DCDC2: variants seen among roughly 807,000 people sequenced by gnomAD.
The protein encoded by DCDC2 is doublecortin domain-containing protein 2.
A neutral mutation model predicts 50.2 loss-of-function variants in DCDC2; 40 were observed. That is an observed-to-expected ratio of 0.80 (90% CI 0.62 to 1.04). DCDC2 has a LOEUF of 1.04. Ranked by LOEUF, DCDC2 falls within the 50% of genes least tolerant of loss-of-function variation. The pLI is 0.00. For synonymous variants in DCDC2, 234 were observed against 210.6 expected, an observed-to-expected ratio of 1.11 and a Z score of -0.96; for missense variants, 570 against 581.9, an observed-to-expected ratio of 0.98 and a Z score of 0.21.
the DCDC2 span, among the ~76,000 whole-genome samples, chr6:24,376,898 A>G: frequency 1.3e-5 from 2 of 151,908 alleles, no homozygotes; most frequent in Non-Finnish European, 2.9e-5. Flanking sequence ...CTACTTTACA[A>G]TTTCCTTCAC....
chr6:24,220,979 C>A (rs1762107487), intron 7 of DCDC2, among the ~76,000 whole-genome samples: 1 of 67,528 alleles, frequency 1.5e-5, no homozygotes. Flanking sequence ...CATTAGAACT[C>A]CCTCACTATC....
chr6:24,225,695 A>C (rs1009407529), intron 7 of DCDC2, among the ~76,000 whole-genome samples: 3 of 146,864 alleles, frequency 2.0e-5, no homozygotes, highest in Admixed American at 6.8e-5. Flanking sequence ...CAACTCTTAG[A>C]AAGTTTTCAC....
upstream of DCDC2, among the ~76,000 whole-genome samples, chr6:24,358,914 A>ATATATATTATATAT (rs1229637570): frequency 0.016 from 591 of 35,940 alleles, 52 homozygotes; most frequent in African/African-American, 0.076. Context: ...ATTATATATT[A>ATATATATTATATAT]TATATATTAT....
chr6:24,290,017 G>A (rs1349378283), intron 5 of DCDC2, among the ~76,000 whole-genome samples: 6 of 100,618 alleles, frequency 6.0e-5, no homozygotes, highest in South Asian at 3.6e-4. Flanking sequence ...TTTTTGAGAC[G>A]GAGTCTCGCT....
intron 8 of DCDC2, among the ~76,000 whole-genome samples, chr6:24,181,652 T>C (rs1262329260): frequency 2.6e-5 from 4 of 152,018 alleles, no homozygotes; most frequent in Non-Finnish European, 5.9e-5. Context: ...CAATGAAAAA[T>C]ACAAAACATT....
chr6:24,197,600 T>A (rs982416415), intron 8 of DCDC2, among the ~76,000 whole-genome samples: 5 of 152,232 alleles, frequency 3.3e-5, no homozygotes, highest in African/African-American at 1.2e-4. Context: ...TAATCCTGGA[T>A]AATAAATTGG....
chr6:24,271,550 T>A (rs1400449841), intron 7 of DCDC2, among the ~76,000 whole-genome samples: 1 of 152,166 alleles, frequency 6.6e-6, no homozygotes, highest in African/African-American at 2.4e-5. Flanking sequence ...CAGCTCTGCA[T>A]TCCTCTCAGA....
intron 1 of DCDC2, among the ~76,000 whole-genome samples, chr6:24,355,489 T>G (rs911232911): frequency 6.6e-6 from 1 of 152,186 alleles, no homozygotes; most frequent in African/African-American, 2.4e-5. Flanking sequence ...CTTTGGTGTT[T>G]ACAAAACACA....
At chr6:24,195,930 C>T (rs1294676865) in intron 8 of DCDC2, among the ~76,000 whole-genome samples, 2 of 152,214 alleles carry the variant, frequency 1.3e-5, no homozygotes, top group Admixed American at 6.5e-5. Context: ...ACTTCTAAAA[C>T]TTAATCTGCT....
At chr6:24,189,645 C>T (rs868514521) in intron 8 of DCDC2, among the ~76,000 whole-genome samples, 3 of 152,142 alleles carry the variant, frequency 2.0e-5, no homozygotes, top group Non-Finnish European at 4.4e-5. Flanking sequence ...AATAACAGCA[C>T]AAATTAGAAT....
chr6:24,180,002 C>T (rs985398928), intron 8 of DCDC2, among the ~76,000 whole-genome samples: 36 of 150,704 alleles, frequency 2.4e-4, no homozygotes, highest in Non-Finnish European at 3.8e-4. Context: ...AGGAGGCCAG[C>T]TTTCAGAGCC....
intron 2 of DCDC2, among the ~76,000 whole-genome samples, chr6:24,331,926 T>G (rs1275707546): frequency 6.6e-6 from 1 of 152,250 alleles, no homozygotes; most frequent in Non-Finnish European, 1.5e-5. Context: ...GTTGCACAAC[T>G]ATTTTTTAAG....
At position 24,337,095 on chromosome 6, in the gene DCDC2, A is replaced by G. The variant is rs566766530; in HGVS notation, c.348+16474T>C. ...TTCAAGTTGCGTTTTTTGCTTAGTA[A>G]CTTGGTAAATGTTACTCGAAACATC... is the stretch of plus-strand genomic sequence containing the variant. On this transcript the variant is annotated intron_variant, in intron 2 of 9. Coordinates refer to ENST00000378454, the MANE Select transcript of DCDC2 (RefSeq NM_016356.5). Among the ~76,000 whole-genome samples the G allele has an allele frequency of 1.5e-4, 23 of 152,306 alleles. No homozygotes were observed. In the South Asian group the frequency reaches 3.9e-3, roughly 26 times the overall value.
intron 8 of DCDC2, among the ~76,000 whole-genome samples, chr6:24,203,794 AAAAAC>A (rs1179684244): frequency 4.0e-5 from 6 of 148,620 alleles, no homozygotes; most frequent in Admixed American, 4.0e-4. Flanking sequence ...TTACAAGAAA[AAAAAC>A]AAACAAACCC....
intron 6 of DCDC2, among the ~76,000 whole-genome samples, chr6:24,282,799 G>T (rs1258467526): frequency 6.6e-6 from 1 of 152,168 alleles, no homozygotes; most frequent in East Asian, 1.9e-4. Flanking sequence ...GACGGGGACT[G>T]CACCTGACAT....
At chr6:24,354,100 T>C (rs757773021) in intron 1 of DCDC2, among the ~76,000 whole-genome samples, 3 of 152,168 alleles carry the variant, frequency 2.0e-5, no homozygotes, top group Non-Finnish European at 4.4e-5. Context: ...CACTCACTCA[T>C]GTGGGATGAC....
At chr6:24,275,665 G>C (rs1763336630) in intron 7 of DCDC2, among the ~76,000 whole-genome samples, 2 of 151,936 alleles carry the variant, frequency 1.3e-5, no homozygotes, top group South Asian at 4.1e-4. Flanking sequence ...GGAAAATATA[G>C]ACTTAAAATG....
At chr6:24,294,282 G>A (rs955560484) in intron 4 of DCDC2, among the ~76,000 whole-genome samples, 4 of 152,090 alleles carry the variant, frequency 2.6e-5, no homozygotes, top group Admixed American at 2.6e-4. Context: ...TTGAGCCCAG[G>A]AGGTTGAGGC....
At chr6:24,370,991 T>C in the DCDC2 span, among the ~76,000 whole-genome samples, 1 of 151,958 alleles carries the variant, frequency 6.6e-6, no homozygotes, top group Non-Finnish European at 1.5e-5. Context: ...TAAGGACTAT[T>C]ACTGAGGATA....
Sources: gnomAD v4.1 joint callset for allele counts (sites outside exome capture counted in the v4.1 genomes callset) on GRCh38, gnomAD v4.1.1 for gene constraint, MANE v1.5 for transcripts, NCBI Gene and HGNC (gene_info 2026-07-23, HGNC 2026-07-21) for gene names.